TAB1: variants seen among roughly 807,000 people sequenced by gnomAD.
TAB1 encodes the protein TGF-beta activated kinase 1 (MAP3K7) binding protein 1.
TAB1 carries 30 observed loss-of-function variants against 54.5 expected under a neutral mutation model. The ratio of observed to expected loss-of-function variants is 0.55; its 90% CI spans 0.41 to 0.75. TAB1 has a LOEUF of 0.75. TAB1 is among the 30% of genes least tolerant of loss of function. The probability of loss-of-function intolerance (pLI) is 0.00; values close to 1 mark genes in which losing one functional copy is unlikely to be tolerated. For synonymous variants in TAB1, 289 were observed against 286.9 expected, an observed-to-expected ratio of 1.01 and a Z score of -0.07; for missense variants, 609 against 683.2, an observed-to-expected ratio of 0.89 and a Z score of 1.21.
intron 8 of TAB1, among the ~76,000 whole-genome samples, chr22:39,425,895 CAG>C (rs1267123317): frequency 7.0e-6 from 1 of 142,840 alleles, no homozygotes; most frequent in Non-Finnish European, 1.5e-5. Context: ...TTTTTTGAGA[CAG>C]AGTCTTGCCC....
At chr22:39,423,911 T>C in intron 8 of TAB1, among the ~76,000 whole-genome samples, 1 of 152,020 alleles carries the variant, frequency 6.6e-6, no homozygotes, top group East Asian at 1.9e-4. Flanking sequence ...GTAACTAATG[T>C]ATAGTGTTTT....
intron 1 of TAB1, among the ~76,000 whole-genome samples, chr22:39,400,086 G>C (rs1806937669): frequency 1.3e-5 from 2 of 152,148 alleles, no homozygotes; most frequent in Admixed American, 1.3e-4. Context: ...GAGGGCGGGA[G>C]CGTCCTGGAG....
At chr22:39,434,180 A>C (rs569345160), downstream of TAB1, among the ~76,000 whole-genome samples, 12 of 152,332 alleles carry the variant, frequency 7.9e-5, no homozygotes, top group Admixed American at 7.8e-4. Context: ...GTGAGAAGTG[A>C]GAGCTGCCCC....
intron 8 of TAB1, among the ~76,000 whole-genome samples, chr22:39,423,044 G>C (rs6001588): frequency 0.77 from 117,229 of 151,344 alleles, 46,414 homozygotes; most frequent in East Asian, 1. Flanking sequence ...GTGATCACGG[G>C]TCACTGCACC....
chr22:39,433,857 A>C (rs1927680584), downstream of TAB1: 1 of 981,518 alleles, frequency 1.0e-6, no homozygotes, highest in East Asian at 1.1e-4. Flanking sequence ...CCCCCTCTGG[A>C]AAGAGCCCTT....
rs1437308166 is a variant in TAB1, at chr22:39,430,147, C to T, written c.1440C>T (p.Pro480=). Residue 480 remains proline (P), a synonymous_variant, in exon 11 of 11, where the codon CCC becomes CCT. Transcript: ENST00000216160. ...LPPGEDGRVE[P]YVDFAEFYRL... ...CTGGCGAGGACGGTCGTGTTGAGCC[C>T]TATGTGGACTTTGCTGAGTTTTACC... 1.2e-6 allele frequency: 2 copies of T among 1,614,036 alleles called. No individual in the cohort carries two copies. Among genetic ancestry groups the T allele is most frequent in the South Asian group, 2.2e-5 (2 of 91,092 alleles).
At chr22:39,432,941 G>A, downstream of TAB1, 1 of 985,430 alleles carries the variant, frequency 1.0e-6, no homozygotes, top group Non-Finnish European at 1.2e-6. Context: ...CAGGAGTCAA[G>A]GTAAGGAAAG....
rs139557111 is a variant in TAB1 at position 39,402,805 on chromosome 22, G to A, written c.33+2970G>A. ...GGCCTCAAGCAATCCGCCTGCCTGG[G>A]CCTCCCAAAGTGCTAGGATTACAGG... On this transcript the variant is annotated intron_variant, in intron 1 of 10. Coordinates refer to ENST00000216160, the MANE Select transcript of TAB1 (RefSeq NM_006116.3). Among the ~76,000 whole-genome samples the A allele has an allele frequency of 2.3e-3, 350 of 152,278 alleles. 1 individual carries two copies. The highest frequency in any genetic ancestry group is 8.0e-3 in the African/African-American group (333 of 41,556).
At position 39,430,103 on chromosome 22, in the gene TAB1, C is replaced by T; in HGVS notation, c.1396C>T (p.Pro466Ser). 1 of 1,614,088 alleles carries T rather than the reference C, an allele frequency of 6.2e-7. No homozygotes were observed. Among genetic ancestry groups the T allele is most frequent in the Non-Finnish European group, 8.5e-7 (1 of 1,180,052 alleles). Residue 466 changes from proline (P) to serine (S), a missense_variant, in exon 11 of 11, where the codon CCC (proline) becomes TCC (serine). Physicochemically the swap from Pro to Ser is moderately conservative, Grantham distance 74. Coordinates refer to ENST00000216160, the MANE Select transcript of TAB1 (RefSeq NM_006116.3). ...SSDGGLFRSR[P>S]AHSLPPGEDG... Reference sequence around the variant, plus strand: ...TGACGGAGGCCTCTTCCGCTCCCGGCCCGCCCACTCGCTCCCGCCTGGCGA... The same window carrying T: ...TGACGGAGGCCTCTTCCGCTCCCGGTCCGCCCACTCGCTCCCGCCTGGCGA...
intron 1 of TAB1, among the ~76,000 whole-genome samples, chr22:39,411,449 C>G (rs1036552398): frequency 1.3e-5 from 2 of 152,122 alleles, no homozygotes; most frequent in Non-Finnish European, 2.9e-5. Context: ...TGCACTTCAC[C>G]AAAGAGGATG....
intron 3 of TAB1, 114 bp from the exon 4 acceptor site, chr22:39,416,677 A>T (rs1488872777): frequency 3.0e-6 from 3 of 987,224 alleles, no homozygotes; most frequent in Non-Finnish European, 4.8e-6. Context: ...GCTCCATCAC[A>T]CAAGAACCTG....
intron 8 of TAB1, 56 bp from the exon 9 acceptor site, chr22:39,426,647 A>C (rs576150114): frequency 2.2e-5 from 32 of 1,478,794 alleles, no homozygotes; most frequent in Non-Finnish European, 2.9e-5. Context: ...ATTATGGCCC[A>C]TGCCCCCCAG....
At chr22:39,436,476 C>T (rs199843919), downstream of TAB1, 126 of 1,608,674 alleles carry the variant, frequency 7.8e-5, no homozygotes, top group Non-Finnish European at 9.8e-5. Context: ...ATGAAGTTTC[C>T]TCCTGATTTT....
At position 39,416,757 on chromosome 22, in the gene TAB1, G is replaced by C. The variant is rs770872506; in HGVS notation, c.325-34G>C. 27 of 1,606,474 alleles carry C rather than the reference G, an allele frequency of 1.7e-5. 1 individual carries two copies. In the South Asian group the frequency reaches 2.9e-4, roughly 17 times the overall value. Reference sequence around the variant, plus strand: ...TTGGCACCAGTGACAGTGGTGTTTTGAACCAGCCTTTGCCCTGTCCTGTGT... The same window carrying C: ...TTGGCACCAGTGACAGTGGTGTTTTCAACCAGCCTTTGCCCTGTCCTGTGT... On this transcript the variant is annotated intron_variant, in intron 3 of 10. Transcript: ENST00000216160.
intron 1 of TAB1, among the ~76,000 whole-genome samples, chr22:39,401,045 A>C (rs1162150176): frequency 1.3e-5 from 2 of 151,802 alleles, no homozygotes; most frequent in Non-Finnish European, 2.9e-5. Context: ...AAAAAAAAAA[A>C]AAAAAAAAAA....
At chr22:39,401,697 A>G (rs1219305345) in intron 1 of TAB1, among the ~76,000 whole-genome samples, 1 of 152,188 alleles carries the variant, frequency 6.6e-6, no homozygotes, top group African/African-American at 2.4e-5. Flanking sequence ...TTTTAAAGCA[A>G]GAATAGTTAG....
chr22:39,423,076 G>C (rs112566377), intron 8 of TAB1, among the ~76,000 whole-genome samples: 1 of 150,728 alleles, frequency 6.6e-6, no homozygotes, highest in East Asian at 2.0e-4. Context: ...GGGTTCAACC[G>C]ATCCTCCAGC....
intron 10 of TAB1, among the ~76,000 whole-genome samples, chr22:39,428,852 G>A (rs1927464622): frequency 6.6e-6 from 1 of 152,370 alleles, no homozygotes; most frequent in South Asian, 2.1e-4. Flanking sequence ...GGGGGTGGGC[G>A]GCCTGCATGC....
chr22:39,436,143 AG>A (rs572954245), downstream of TAB1, among the ~76,000 whole-genome samples: 406 of 152,274 alleles, frequency 2.7e-3, 4 homozygotes, highest in African/African-American at 8.2e-3. Context: ...AATACAAAAA[AG>A]TAGCCAGGCG....
Sources: gnomAD v4.1 joint callset for allele counts (sites outside exome capture counted in the v4.1 genomes callset) on GRCh38, gnomAD v4.1.1 for gene constraint, MANE v1.5 for transcripts, NCBI Gene and HGNC (gene_info 2026-07-23, HGNC 2026-07-21) for gene names.